CRTC1: variants seen among roughly 807,000 people sequenced by gnomAD.
CRTC1 encodes the protein CREB regulated transcription coactivator 1.
CRTC1 carries 18 observed loss-of-function variants against 66.1 expected under a neutral mutation model. That is an observed-to-expected ratio of 0.27 (90% CI 0.19 to 0.40). The LOEUF (loss-of-function observed/expected upper bound fraction) is 0.40. Among genes scored for constraint, CRTC1 ranks in the 10% least tolerant of loss-of-function variants. The pLI, the probability that CRTC1 is intolerant of heterozygous loss-of-function variation, is 1.00. For missense variants in CRTC1, 669 were observed against 887.9 expected, an observed-to-expected ratio of 0.75 and a Z score of 3.13; for synonymous variants, 416 against 398.8, an observed-to-expected ratio of 1.04 and a Z score of -0.51.
chr19:18,727,776 C>T (rs1238255782), intron 1 of CRTC1, among the ~76,000 whole-genome samples: 3 of 151,914 alleles, frequency 2.0e-5, no homozygotes, highest in African/African-American at 7.3e-5. Context: ...GGCTGAAGTG[C>T]AGTGGCACAA....
chr19:18,758,654 C>A (rs2054546829), intron 6 of CRTC1, among the ~76,000 whole-genome samples: 1 of 152,204 alleles, frequency 6.6e-6, no homozygotes. Context: ...CCGGGGAAGT[C>A]ACATGTCTAG....
At chr19:18,685,328 A>G (rs995384220) in intron 1 of CRTC1, among the ~76,000 whole-genome samples, 6 of 151,960 alleles carry the variant, frequency 3.9e-5, no homozygotes, top group Non-Finnish European at 7.4e-5. Context: ...CAGGATGTAG[A>G]GAAAGAGATG....
intron 1 of CRTC1, among the ~76,000 whole-genome samples, chr19:18,730,759 A>G (rs1441350593): frequency 8.6e-5 from 13 of 151,316 alleles, no homozygotes; most frequent in Admixed American, 8.5e-4. Flanking sequence ...TATTGACCCT[A>G]CTCTTCAGCC....
chr19:18,769,615 C>G (rs2054816861), intron 10 of CRTC1, among the ~76,000 whole-genome samples: 1 of 152,218 alleles, frequency 6.6e-6, no homozygotes, highest in African/African-American at 2.4e-5. Flanking sequence ...CCCACGGCCC[C>G]TGGGTGGAAG....
intron 1 of CRTC1, among the ~76,000 whole-genome samples, chr19:18,719,959 G>A (rs961247524): frequency 6.6e-6 from 1 of 152,226 alleles, no homozygotes; most frequent in Admixed American, 6.5e-5. Context: ...CCCAGGGGCC[G>A]CTCTTGGGGA....
chr19:18,779,830 G>A lies in CRTC1; in HGVS notation c.*2448G>A, dbSNP rs2055068892. On this transcript the variant is annotated 3_prime_UTR_variant, in exon 14 of 14. Transcript: ENST00000321949. Reference sequence around the variant, plus strand: ...TTTTCCAATAAGAACCTGGTGGACCGAGGTCCGAGCTTGCCAGGGACAGTG... The same window carrying A: ...TTTTCCAATAAGAACCTGGTGGACCAAGGTCCGAGCTTGCCAGGGACAGTG... 4 of 226,104 alleles carry A rather than the reference G, an allele frequency of 1.8e-5. No homozygotes were observed. Among genetic ancestry groups the A allele is most frequent in the East Asian group, 1.3e-4 (2 of 15,692 alleles). 14.0% of individuals were successfully genotyped at this position (226,104 alleles called of 1,614,324 possible).
chr19:18,780,479 G>A lies in CRTC1; in HGVS notation c.*3097G>A, dbSNP rs919093284. On this transcript the variant is annotated 3_prime_UTR_variant, in exon 14 of 14. Transcript: ENST00000321949. ...CCCTGCTTGTGGGTTTTCGGCTCTGGGGAGGAGAGTGTTGGCATCAGTGTG... is the reference window on the plus strand; with the variant it reads ...CCCTGCTTGTGGGTTTTCGGCTCTGAGGAGGAGAGTGTTGGCATCAGTGTG... The A allele has an allele frequency of 2.1e-4, 49 of 231,742 alleles. 1 individual carries two copies. Among genetic ancestry groups the A allele is most frequent in the Middle Eastern group, 2.6e-3 (2 of 780 alleles). 14.4% of individuals were successfully genotyped at this position (231,742 alleles called of 1,614,324 possible).
At chr19:18,749,592 A>G (rs1204862478) in intron 4 of CRTC1, among the ~76,000 whole-genome samples, 189 bp from the exon 5 acceptor site, 2 of 152,204 alleles carry the variant, frequency 1.3e-5, no homozygotes, top group East Asian at 1.9e-4. Flanking sequence ...AGCTTTGCAG[A>G]TGAACACCGC....
intron 1 of CRTC1, among the ~76,000 whole-genome samples, chr19:18,702,090 A>G (rs1471066337): frequency 6.7e-6 from 1 of 149,124 alleles, no homozygotes; most frequent in East Asian, 2.0e-4. Flanking sequence ...CACCCGGCTA[A>G]TTTTGTATTG....
intron 8 of CRTC1, among the ~76,000 whole-genome samples, chr19:18,765,145 A>T (rs1194373380): frequency 6.6e-6 from 1 of 152,106 alleles, no homozygotes; most frequent in East Asian, 1.9e-4. Context: ...TGCTCCAGAG[A>T]TGGGGATGTG....
At chr19:18,719,798 CTG>C (rs2053583294) in intron 1 of CRTC1, among the ~76,000 whole-genome samples, 1 of 152,260 alleles carries the variant, frequency 6.6e-6, no homozygotes, top group African/African-American at 2.4e-5. Flanking sequence ...TGGGCCTCCT[CTG>C]CCGTGTCTGG....
intron 1 of CRTC1, among the ~76,000 whole-genome samples, chr19:18,709,623 C>T (rs748271005): frequency 7.0e-4 from 106 of 152,158 alleles, no homozygotes; most frequent in Non-Finnish European, 1.2e-3. Flanking sequence ...TCTGTACCTG[C>T]GGACACCCCT....
rs541894364 is a variant in CRTC1, at chr19:18,738,842, G to C, written c.127-4068G>C. Reference sequence around the variant, plus strand: ...CAACAACAAAGCCAGAGGCTGGTGCGATTGTGACTTGGGGGGCTGCTTCTT... The same window carrying C: ...CAACAACAAAGCCAGAGGCTGGTGCCATTGTGACTTGGGGGGCTGCTTCTT... On this transcript the variant is annotated intron_variant, in intron 1 of 13. Transcript: ENST00000321949. Among the ~76,000 whole-genome samples, 19 of 152,348 alleles carry C rather than the reference G, an allele frequency of 1.2e-4. No homozygotes were observed. The East Asian group carries it at 2.5e-3, about 20-fold the overall frequency.
Position 18,781,117 on chromosome 19 carries a change from G to T in CRTC1, c.*3735G>T, listed in dbSNP as rs545797141. The T allele has an allele frequency of 4.6e-4, 104 of 227,872 alleles. No individual in the cohort carries two copies. Among genetic ancestry groups the T allele is most frequent in the Non-Finnish European group, 3.1e-4 (35 of 114,682 alleles). The allele number at this position is 227,872 out of a possible 1,614,324, so 14.1% of individuals were successfully genotyped here. On this transcript the variant is annotated 3_prime_UTR_variant, in exon 14 of 14. Transcript: ENST00000321949. ...TCTCAGAGGCCGAGGGGCCCTCTGT[G>T]TGGGGGTGGGACGCAGGGGCTCTCA... is the stretch of plus-strand genomic sequence containing the variant.
intron 2 of CRTC1, chr19:18,744,147 GTC>G (rs970041952): frequency 6.2e-7 from 1 of 1,611,930 alleles, no homozygotes; most frequent in Admixed American, 1.7e-5. Context: ...AGCGGCTCCT[GTC>G]TCTCTGGTAA....
intron 1 of CRTC1, among the ~76,000 whole-genome samples, chr19:18,730,618 C>G (rs1318650696): frequency 1.3e-5 from 2 of 152,146 alleles, no homozygotes; most frequent in African/African-American, 2.4e-5. Context: ...CTCCCTGTGT[C>G]CAGCCTCCAC....
chr19:18,760,524 T>G lies in CRTC1; in HGVS notation c.886+296T>G, dbSNP rs1193375511. On this transcript the variant is annotated intron_variant, in intron 8 of 13. Transcript: ENST00000321949. This position sits in a 1 kb window ranked among gnomAD's most constrained non-coding sequence, Gnocchi z 6.2. ...GAAGCCCTGGGAGTTTTAACGCAGCTGGGGTGGGCCAGGCCTTCCCTCCGC... is the reference window on the plus strand; with the variant it reads ...GAAGCCCTGGGAGTTTTAACGCAGCGGGGGTGGGCCAGGCCTTCCCTCCGC... Among the ~76,000 whole-genome samples, 4 of 151,934 alleles carry G rather than the reference T, an allele frequency of 2.6e-5. No homozygotes were observed. Among genetic ancestry groups the G allele is most frequent in the Non-Finnish European group, 4.4e-5 (3 of 67,930 alleles).
intron 3 of CRTC1, 38 bp from the exon 4 acceptor site, chr19:18,747,015 G>T (rs372835207): frequency 1.7e-5 from 28 of 1,600,536 alleles, no homozygotes; most frequent in Non-Finnish European, 2.3e-5. Context: ...TGGAGGCGGG[G>T]TCTCAGCCAG....
chr19:18,777,946 TG>T lies in CRTC1; in HGVS notation c.*565del, dbSNP rs1287637936. 1 of 247,856 alleles carries T rather than the reference TG, an allele frequency of 4.0e-6. No homozygotes were observed. Among genetic ancestry groups the T allele is most frequent in the Non-Finnish European group, 7.7e-6 (1 of 129,098 alleles). 15.4% of individuals were successfully genotyped at this position (247,856 alleles called of 1,614,324 possible). A position where few individuals can be genotyped will look rare whatever the true frequency, so the allele number is the denominator to read the frequency against. On this transcript the variant is annotated 3_prime_UTR_variant, in exon 14 of 14. Transcript: ENST00000321949. This position sits in a 1 kb window ranked among gnomAD's most constrained non-coding sequence, Gnocchi z 5.5. ...ACGCAAAGTGAAATAAACACTATTT[TG>T]ACGGCTGTCTTTTATATTTCTGAGC...
Sources: gnomAD v4.1 joint callset for allele counts (sites outside exome capture counted in the v4.1 genomes callset) on GRCh38, gnomAD v4.1.1 for gene constraint, Gnocchi (gnomAD v3.1) non-coding constraint, MANE v1.5 for transcripts, NCBI Gene and HGNC (gene_info 2026-07-23, HGNC 2026-07-21) for gene names.